BCL11A: variants seen among roughly 807,000 people sequenced by gnomAD.
BCL11A encodes the protein BCL11 transcription factor A.
In BCL11A, 2 loss-of-function variants were observed where a neutral mutation model predicts 55.9. The observed-to-expected ratio is 0.04, with a 90% CI of 0.01 to 0.11. The LOEUF is 0.11. Ranked by LOEUF, BCL11A falls within the 10% of genes least tolerant of loss-of-function variation. BCL11A has a pLI of 1.00. For missense variants in BCL11A, 817 were observed against 1,137.1 expected (o/e 0.72, Z 4.05); for synonymous variants, 465 against 473.4 (o/e 0.98, Z 0.23).
At chr2:60,551,262 G>C in intron 1 of BCL11A, among the ~76,000 whole-genome samples, 1 of 152,220 alleles carries the variant, frequency 6.6e-6, no homozygotes, top group Non-Finnish European at 1.5e-5. Context: ...GCAGTCAGCG[G>C]GAGACAGCCA....
At chr2:60,509,600 G>A (rs956472116) in intron 2 of BCL11A, among the ~76,000 whole-genome samples, 1 of 152,128 alleles carries the variant, frequency 6.6e-6, no homozygotes, top group South Asian at 2.1e-4. Context: ...GAAACAAAGC[G>A]CATCTTTCTG....
downstream of BCL11A, chr2:60,452,655 T>A (rs1329841514): frequency 3.1e-6 from 5 of 1,613,046 alleles, no homozygotes; most frequent in Non-Finnish European, 4.2e-6. Flanking sequence ...CGAATGGGGG[T>A]GTGTGAAGAA....
intron 2 of BCL11A, among the ~76,000 whole-genome samples, chr2:60,539,367 C>T (rs1402665834): frequency 6.6e-6 from 1 of 152,230 alleles, no homozygotes; most frequent in African/African-American, 2.4e-5. Context: ...CACCACCCCC[C>T]ATGCCTCAAA....
chr2:60,550,076 G>T (rs922485337), intron 1 of BCL11A, among the ~76,000 whole-genome samples: 6 of 152,192 alleles, frequency 3.9e-5, no homozygotes, highest in Non-Finnish European at 8.8e-5. Context: ...TCTGTGCTTT[G>T]CATGGGGGTG....
intron 2 of BCL11A, among the ~76,000 whole-genome samples, chr2:60,539,509 G>A (rs1669824863): frequency 6.6e-6 from 1 of 152,214 alleles, no homozygotes; most frequent in South Asian, 2.1e-4. Flanking sequence ...CATAGGGAGT[G>A]CAGCTGGCCA....
intron 2 of BCL11A, among the ~76,000 whole-genome samples, chr2:60,517,570 T>C (rs1668789426): frequency 6.6e-6 from 1 of 152,200 alleles, no homozygotes; most frequent in Non-Finnish European, 1.5e-5. Context: ...ATTCCAGCCA[T>C]CACCGATAAA....
At chr2:60,483,021 T>C (rs750030782) in intron 2 of BCL11A, among the ~76,000 whole-genome samples, 3 of 152,232 alleles carry the variant, frequency 2.0e-5, no homozygotes, top group Non-Finnish European at 4.4e-5. Flanking sequence ...GATTTACTGA[T>C]AAAGGCACTG....
At chr2:60,521,052 G>A (rs377017226) in intron 2 of BCL11A, among the ~76,000 whole-genome samples, 13 of 150,910 alleles carry the variant, frequency 8.6e-5, no homozygotes, top group African/African-American at 3.2e-4. Context: ...AAAAGGAAGT[G>A]TAGCCTAGTG....
At chr2:60,507,348 GGAAGGGAAGGGAAGGGAAGGGAAGGGA>G in intron 2 of BCL11A, among the ~76,000 whole-genome samples, 1 of 28,850 alleles carries the variant, frequency 3.5e-5, no homozygotes, top group African/African-American at 2.5e-4. Context: ...GGAAGGGAAG[GGAAGGGAAGGGAAGGGAAGGGAAGGGA>G]AGGGAGGGAG....
At chr2:60,489,593 C>T (rs1434650305) in intron 2 of BCL11A, among the ~76,000 whole-genome samples, 1 of 152,160 alleles carries the variant, frequency 6.6e-6, no homozygotes, top group Middle Eastern at 3.2e-3. Context: ...AGAGGAAGCA[C>T]CTGAAGGAAG....
At position 60,462,252 on chromosome 2, in the gene BCL11A, T is replaced by A. The variant is rs1335909213; in HGVS notation, c.660A>T (p.Glu220Asp). ...RVGIPSGLGA[E>D]CPSQPPLHGI... ...CATGGAGAGGTGGCTGGGAAGGACA[T>A]TCTGCACCTAGTCCTGAAGGGATAC... Residue 220 changes from glutamate to aspartate, a missense_variant, in exon 4 of 4, where the codon GAA becomes GAT. Glu to Asp is a conservative substitution (Grantham distance 45). Coordinates refer to ENST00000642384, the MANE Select transcript of BCL11A (RefSeq NM_022893.4). 4 of 1,613,902 alleles carry A rather than the reference T, an allele frequency of 2.5e-6. No individual in the cohort carries two copies. The highest frequency in any genetic ancestry group is 2.2e-5 in the East Asian group (1 of 44,872).
In BCL11A at chr2:60,458,592, G is replaced by A; in HGVS notation, c.*1812C>T. On this transcript the variant is annotated 3_prime_UTR_variant, in exon 4 of 4. Coordinates refer to ENST00000642384, the MANE Select transcript of BCL11A (RefSeq NM_022893.4). ...AGTAAGCTCAATAGTCAAGTAAATG[G>A]CTGGCAAAGTTTTTTTTTTTTTAGT... The A allele has an allele frequency of 1.9e-6, 2 of 1,037,144 alleles. No individual in the cohort carries two copies. The highest frequency in any genetic ancestry group is 5.7e-5 in the Admixed American group (1 of 17,686). The allele number at this position is 1,037,144 out of a possible 1,614,324, so 64.2% of individuals were successfully genotyped here.
At chr2:60,534,809 G>C (rs1338424839) in intron 2 of BCL11A, 1 of 152,204 alleles carries the variant, frequency 6.6e-6, no homozygotes. Flanking sequence ...GATCAAAAGT[G>C]ATTAACAACA....
Position 60,459,919 on chromosome 2 carries a change from T to G in BCL11A, c.*485A>C. 1 of 1,059,874 alleles carries G rather than the reference T, an allele frequency of 9.4e-7. No individual in the cohort carries two copies. Among genetic ancestry groups the G allele is most frequent in the African/African-American group, 1.6e-5 (1 of 60,822 alleles). 65.7% of individuals were successfully genotyped at this position (1,059,874 alleles called of 1,614,324 possible). A position where few individuals can be genotyped will look rare whatever the true frequency, so the allele number is the denominator to read the frequency against. On this transcript the variant is annotated 3_prime_UTR_variant, in exon 4 of 4. Coordinates refer to ENST00000642384, the MANE Select transcript of BCL11A (RefSeq NM_022893.4). The stretch of plus-strand genomic sequence containing the variant: ...TACATGATATGTATTACAGAATGTA[T>G]GCAGCATGGTCTTTTTCTCTCTCTC...
At chr2:60,526,496 A>C (rs2104595255) in intron 2 of BCL11A, 1 of 152,354 alleles carries the variant, frequency 6.6e-6, no homozygotes, top group African/African-American at 2.4e-5. Context: ...AAGGGTCCGC[A>C]AAATAAAAAT....
intron 2 of BCL11A, among the ~76,000 whole-genome samples, chr2:60,540,438 C>T (rs1301013275): frequency 6.6e-6 from 1 of 152,184 alleles, no homozygotes; most frequent in African/African-American, 2.4e-5. Flanking sequence ...AATCTTGGTG[C>T]ATCTCCCTAG....
intron 2 of BCL11A, among the ~76,000 whole-genome samples, chr2:60,481,336 T>C (rs1677945104): frequency 6.6e-6 from 1 of 151,916 alleles, no homozygotes; most frequent in African/African-American, 2.4e-5. Flanking sequence ...GAAGCAGGGA[T>C]CCTAGGAAAA....
chr2:60,494,808 C>T (rs1417946953), intron 2 of BCL11A, among the ~76,000 whole-genome samples: 2 of 152,200 alleles, frequency 1.3e-5, no homozygotes, highest in African/African-American at 4.8e-5. Flanking sequence ...TTATTAGTTA[C>T]ACCTCAGCAG....
intron 2 of BCL11A, among the ~76,000 whole-genome samples, chr2:60,502,362 C>T (rs987743097): frequency 2.0e-5 from 3 of 152,148 alleles, no homozygotes; most frequent in South Asian, 2.1e-4. Context: ...TGTGAGCAAA[C>T]GGAAAAATAA....
Sources: gnomAD v4.1 joint callset for allele counts (sites outside exome capture counted in the v4.1 genomes callset) on GRCh38, gnomAD v4.1.1 for gene constraint, MANE v1.5 for transcripts, NCBI Gene and HGNC (gene_info 2026-07-23, HGNC 2026-07-21) for gene names.